Variants in IMMP1L observed in about 807,000 individuals in gnomAD.
The protein encoded by IMMP1L is mitochondrial inner membrane protease subunit 1.
Under a neutral mutation model 21.8 loss-of-function variants are expected in IMMP1L, and 24 were observed. That is an observed-to-expected ratio of 1.10 (90% confidence interval 0.80 to 1.55). The LOEUF (loss-of-function observed/expected upper bound fraction) is 1.55. IMMP1L is among the 40% of genes most tolerant of loss of function. The pLI is 0.00. For synonymous variants in IMMP1L, 46 were observed against 62.8 expected (o/e 0.73, Z 1.26); for missense variants, 195 against 200.7 (o/e 0.97, Z 0.17).
chr11:31,455,068 T>C (rs1206769132), intron 4 of IMMP1L, among the ~76,000 whole-genome samples: 1 of 152,238 alleles, frequency 6.6e-6, no homozygotes, highest in Non-Finnish European at 1.5e-5. Context: ...AATTACTGCG[T>C]ATTTAGCATT....
intron 1 of IMMP1L, chr11:31,473,757 TG>T (rs1283764906): frequency 1.0e-6 from 1 of 985,238 alleles, no homozygotes; most frequent in Non-Finnish European, 1.2e-6. Flanking sequence ...CACAAGAAGT[TG>T]TCCACCTGAT....
At chr11:31,441,143 TTAAG>T (rs1271222766) in intron 4 of IMMP1L, among the ~76,000 whole-genome samples, 2 of 152,140 alleles carry the variant, frequency 1.3e-5, no homozygotes, top group African/African-American at 4.8e-5. Flanking sequence ...TGCATACTAT[TTAAG>T]TAACTTAAAG....
chr11:31,467,897 A>C (rs944225493), intron 1 of IMMP1L, among the ~76,000 whole-genome samples: 2 of 151,888 alleles, frequency 1.3e-5, no homozygotes, highest in African/African-American at 4.8e-5. Context: ...GTGGCCTCTT[A>C]CCAATGGAAT....
chr11:31,493,067 T>C (rs1055025806), intron 1 of IMMP1L, among the ~76,000 whole-genome samples: 1 of 152,210 alleles, frequency 6.6e-6, no homozygotes, highest in African/African-American at 2.4e-5. Context: ...CAAAGCTCGA[T>C]ACAGGGAAGC....
chr11:31,502,232 C>A (rs1955644504), intron 1 of IMMP1L, among the ~76,000 whole-genome samples: 1 of 151,966 alleles, frequency 6.6e-6, no homozygotes, highest in Non-Finnish European at 1.5e-5. Context: ...ATAAAGTTTC[C>A]TACGAAAACA....
intron 3 of IMMP1L, among the ~76,000 whole-genome samples, chr11:31,459,943 G>A (rs778785262): frequency 6.6e-6 from 1 of 151,750 alleles, no homozygotes; most frequent in Non-Finnish European, 1.5e-5. Context: ...GATTGCTTGA[G>A]CTCAGGAGTT....
chr11:31,454,281 C>T (rs1163288191), intron 4 of IMMP1L, among the ~76,000 whole-genome samples: 1 of 151,550 alleles, frequency 6.6e-6, no homozygotes, highest in Non-Finnish European at 1.5e-5. Flanking sequence ...TTCTACCACA[C>T]AGTAGGGTGA....
chr11:31,491,176 C>T (rs942219320), intron 1 of IMMP1L, among the ~76,000 whole-genome samples: 1 of 152,086 alleles, frequency 6.6e-6, no homozygotes, highest in African/African-American at 2.4e-5. Context: ...TGGAGTGTTG[C>T]TGTGATACCT....
At chr11:31,471,158 A>G (rs2133706390) in intron 1 of IMMP1L, among the ~76,000 whole-genome samples, 1 of 152,334 alleles carries the variant, frequency 6.6e-6, no homozygotes, top group East Asian at 1.9e-4. Flanking sequence ...GAGGTGATAG[A>G]TATGTTAATT....
Position 31,507,090 on chromosome 11 carries a change from T to C in IMMP1L, c.-30+2429A>G, listed in dbSNP as rs184379209. ...GTCAGGAGACTGAGACCATCCTGGC[T>C]AACACGGTGAAACCCCATCTCTACT... is the stretch of plus-strand genomic sequence containing the variant. On this transcript the variant is annotated intron_variant, in intron 1 of 5. Coordinates refer to ENST00000532287, the MANE Select transcript of IMMP1L (RefSeq NM_001304274.2). Among the ~76,000 whole-genome samples the C allele has an allele frequency of 4.2e-3, 634 of 152,050 alleles. 4 individuals carry two copies. The highest frequency in any genetic ancestry group is 0.015 in the African/African-American group (604 of 41,480).
intron 4 of IMMP1L, chr11:31,452,851 A>T: frequency 1.4e-6 from 1 of 692,120 alleles, no homozygotes; most frequent in Non-Finnish European, 1.9e-6. Flanking sequence ...CCCAGGTTGA[A>T]GCGATTCTCC....
chr11:31,479,278 A>C (rs1488313646), intron 1 of IMMP1L, among the ~76,000 whole-genome samples: 1 of 152,066 alleles, frequency 6.6e-6, no homozygotes, highest in Non-Finnish European at 1.5e-5. Context: ...AGTCATTATC[A>C]CGTCATCATC....
chr11:31,497,480 G>A (rs1360991731), intron 1 of IMMP1L, among the ~76,000 whole-genome samples: 1 of 68,802 alleles, frequency 1.5e-5, no homozygotes, highest in Non-Finnish European at 3.1e-5. Context: ...TTTTTTTTTT[G>A]AGATGGGAGT....
chr11:31,443,099 A>G lies in IMMP1L; in HGVS notation c.322-9529T>C, dbSNP rs191395056. ...CAAAAAAGCAGTATCAAGTTATTAT[A>G]CCTACTATGTGGCCACTGTATATTC... On this transcript the variant is annotated intron_variant, in intron 4 of 5. Transcript: ENST00000532287. 1.4e-4 allele frequency among the ~76,000 whole-genome samples: 21 copies of G among 152,308 alleles called. No homozygotes were observed. The East Asian group carries it at 4.0e-3, about 29-fold the overall frequency.
intron 1 of IMMP1L, chr11:31,488,208 A>C (rs1351597834): frequency 6.6e-6 from 1 of 152,194 alleles, no homozygotes; most frequent in Non-Finnish European, 1.5e-5. Context: ...GCATGTCTTA[A>C]AGCATAGGTG....
intron 3 of IMMP1L, among the ~76,000 whole-genome samples, chr11:31,460,243 A>G (rs1954090804): frequency 1.3e-5 from 2 of 152,194 alleles, no homozygotes. Context: ...CAATCAATAG[A>G]ACTACAGGAT....
chr11:31,486,756 A>G (rs1955092442), intron 1 of IMMP1L, among the ~76,000 whole-genome samples: 1 of 151,956 alleles, frequency 6.6e-6, no homozygotes, highest in Non-Finnish European at 1.5e-5. Context: ...TGAATGAAAT[A>G]AAACTACACA....
At chr11:31,457,005 A>T (rs945220743) in intron 3 of IMMP1L, among the ~76,000 whole-genome samples, 1 of 151,466 alleles carries the variant, frequency 6.6e-6, no homozygotes, top group Non-Finnish European at 1.5e-5. Flanking sequence ...CAAATTAAGT[A>T]AATAAATATT....
intron 4 of IMMP1L, among the ~76,000 whole-genome samples, chr11:31,440,190 G>C (rs1953273492): frequency 6.6e-6 from 1 of 152,112 alleles, no homozygotes; most frequent in South Asian, 2.1e-4. Flanking sequence ...ACTGCTTTAA[G>C]ACAGAAGTTG....
Sources: allele counts gnomAD v4.1 joint callset (sites outside exome capture counted in the v4.1 genomes callset), GRCh38; gene constraint gnomAD v4.1.1; transcripts MANE v1.5; gene names NCBI Gene and HGNC (gene_info 2026-07-23, HGNC 2026-07-21).